The following DENND4A variants were observed in gnomAD, a reference collection of about 807,000 sequenced individuals.
DENND4A encodes the protein DENN domain containing 4A.
Under a neutral mutation model 199.3 loss-of-function variants are expected in DENND4A, and 70 were observed. That is an observed-to-expected ratio of 0.35 (90% CI 0.29 to 0.43). The LOEUF (loss-of-function observed/expected upper bound fraction) is 0.43. Among genes scored for constraint, DENND4A ranks in the 20% least tolerant of loss-of-function variants. The pLI is 1.00. For missense variants in DENND4A, 1,723 were observed against 2,255.8 expected (o/e 0.76, Z 4.78); for synonymous variants, 686 against 766.9 (o/e 0.89, Z 1.74).
rs749522754 is a variant in DENND4A at position 65,700,568 on chromosome 15, C to T, written c.2809G>A (p.Ala937Thr). 8.4e-6 allele frequency: 13 copies of T among 1,539,750 alleles called. No homozygotes were observed. In the South Asian group the frequency reaches 1.6e-4, roughly 19 times the overall value. Residue 937 changes from alanine to threonine, a missense_variant, in exon 20 of 33, where the codon GCT becomes ACT. Ala to Thr is a moderately conservative substitution (Grantham distance 58). Around this residue, in one of 6 missense-constraint regions of DENND4A, gnomAD observed 650 missense variants for 738.1 expected, o/e 0.88. Transcript: ENST00000443035. Reference protein sequence around the residue: ...PFNTGLIKVYATDDRSSTGGQ... With the variant: ...PFNTGLIKVYTTDDRSSTGGQ... The stretch of plus-strand genomic sequence containing the variant: ...CCTGTACTAGATCTATCATCAGTAG[C>T]ATATACTTTGATTAAACCCGTATTA...
At position 65,756,153 on chromosome 15, in the gene DENND4A, G is replaced by C. The variant is rs947435184; in HGVS notation, c.298C>G (p.Leu100Val). The change falls in exon 3 of 33, where the codon CTT becomes GTT. Residue 100 changes from leucine (L) to valine (V), a missense_variant. Physicochemically the swap from Leu to Val is conservative, Grantham distance 32 (BLOSUM62 1). Around this residue, in one of 6 missense-constraint regions of DENND4A, gnomAD observed 725 missense variants for 952.9 expected, o/e 0.76. Transcript: ENST00000443035. Reference sequence around the variant, plus strand: ...AAAAATACTTACCCCAGATCTGTAAGTGGAGGCTTATCTCTTCCTCTTCTA... The same window carrying C: ...AAAAATACTTACCCCAGATCTGTAACTGGAGGCTTATCTCTTCCTCTTCTA... ...CYRRGRDKPP[L>V]TDLGVLYDWK... 3.5e-5 allele frequency: 57 copies of C among 1,607,000 alleles called. No individual in the cohort carries two copies. Among genetic ancestry groups the C allele is most frequent in the Non-Finnish European group, 4.8e-5 (56 of 1,176,668 alleles).
chr15:65,768,973 G>A (rs1386331044), intron 1 of DENND4A, among the ~76,000 whole-genome samples: 4 of 149,526 alleles, frequency 2.7e-5, no homozygotes, highest in Non-Finnish European at 1.5e-5. Context: ...TAGCCTGGGC[G>A]ACAAGAGCAA....
chr15:65,779,913 T>C (rs920598827), intron 1 of DENND4A, among the ~76,000 whole-genome samples: 1 of 152,034 alleles, frequency 6.6e-6, no homozygotes, highest in Non-Finnish European at 1.5e-5. Flanking sequence ...ATTTATTTAT[T>C]TATTTTTGGA....
chr15:65,691,644 T>C (rs1184243437), intron 22 of DENND4A, 133 bp from the exon 23 acceptor site: 8 of 892,260 alleles, frequency 9.0e-6, no homozygotes, highest in Admixed American at 3.1e-5. Context: ...TGACAGATAC[T>C]ATACTAAACA....
intron 20 of DENND4A, 143 bp from the exon 21 acceptor site, chr15:65,697,526 C>A (rs531289681): frequency 2.2e-5 from 13 of 591,274 alleles, no homozygotes; most frequent in Admixed American, 3.4e-5. Flanking sequence ...ATTTTGTTAG[C>A]TACCCTTAAA....
At position 65,660,240 on chromosome 15, in the gene DENND4A, G is replaced by A; in HGVS notation, c.*1611C>T. The A allele has an allele frequency of 6.7e-7, 1 of 1,503,744 alleles. No individual in the cohort carries two copies. The highest frequency in any genetic ancestry group is 8.9e-7 in the Non-Finnish European group (1 of 1,117,964). 93.2% of individuals were successfully genotyped at this position (1,503,744 alleles called of 1,614,324 possible). On this transcript the variant is annotated 3_prime_UTR_variant, in exon 33 of 33. Coordinates refer to ENST00000443035, the MANE Select transcript of DENND4A (RefSeq NM_001320835.1). ...AAGCAAGTTCAGCCCCAAACTAACTGAAGTTTTACATTTTTAAACTCTCTC... is the reference window on the plus strand; with the variant it reads ...AAGCAAGTTCAGCCCCAAACTAACTAAAGTTTTACATTTTTAAACTCTCTC...
rs761563776 is a variant in DENND4A at position 65,676,489 on chromosome 15, A to G, written c.4325T>C (p.Ile1442Thr). ...ETSATSGTKR[I>T]DLSRISLESS... ...TTCCAGGCTTATTCGGCTGAGATCAATTCTCTTAGTCCCTGAAGTAGCACT... is the reference window on the plus strand; with the variant it reads ...TTCCAGGCTTATTCGGCTGAGATCAGTTCTCTTAGTCCCTGAAGTAGCACT... Residue 1442 changes from isoleucine to threonine, a missense_variant, in exon 24 of 33, where the codon ATT (isoleucine) becomes ACT (threonine). Transcript: ENST00000443035. 4.3e-6 allele frequency: 7 copies of G among 1,612,138 alleles called. No individual in the cohort carries two copies. The highest frequency in any genetic ancestry group is 3.3e-5 in the South Asian group (3 of 90,634).
chr15:65,692,829 G>A (rs2077017976), intron 22 of DENND4A, among the ~76,000 whole-genome samples: 1 of 152,122 alleles, frequency 6.6e-6, no homozygotes, highest in Non-Finnish European at 1.5e-5. Context: ...TTAAATAGAT[G>A]TGCAAGGGTT....
intron 25 of DENND4A, among the ~76,000 whole-genome samples, chr15:65,670,584 A>C (rs1212798771): frequency 6.6e-6 from 1 of 152,224 alleles, no homozygotes; most frequent in Non-Finnish European, 1.5e-5. Context: ...GATGAGATAA[A>C]TAAGAAATTG....
At chr15:65,715,954 CCATATA>C (rs1410068665) in intron 13 of DENND4A, among the ~76,000 whole-genome samples, 1 of 151,950 alleles carries the variant, frequency 6.6e-6, no homozygotes, top group African/African-American at 2.4e-5. Context: ...CACACTCTCT[CCATATA>C]AATATATATA....
chr15:65,738,858 G>T lies in DENND4A; in HGVS notation c.649C>A (p.Pro217Thr). Residue 217 changes from proline (P) to threonine (T), a missense_variant, in exon 6 of 33, where the codon CCT becomes ACT. Transcript: ENST00000443035. ...GAGAATGACTCATAATCTTCTTGAG[G>T]ATATCTACAAATTAGGCCTATAAAA... is the stretch of plus-strand genomic sequence containing the variant. The part of the protein sequence containing the change: ...SYKAGLICRY[P>T]QEDYESFSLP... 6.3e-7 allele frequency: 1 copy of T among 1,593,590 alleles called. No individual in the cohort carries two copies. The highest frequency in any genetic ancestry group is 1.2e-5 in the South Asian group (1 of 86,516).
chr15:65,786,306 A>G (rs2077565144), intron 1 of DENND4A, among the ~76,000 whole-genome samples: 1 of 152,240 alleles, frequency 6.6e-6, no homozygotes, highest in Non-Finnish European at 1.5e-5. Context: ...AAAAAATAAA[A>G]TGAAAAAAGC....
At chr15:65,664,861 A>C in intron 30 of DENND4A, 139 bp from the exon 31 acceptor site, 1 of 750,392 alleles carries the variant, frequency 1.3e-6, no homozygotes, top group Non-Finnish European at 2.0e-6. Context: ...TAGGAATCCA[A>C]GAATGAAGAA....
chr15:65,737,912 ATGGT>A lies in DENND4A; in HGVS notation c.831_834del (p.Glu277AspfsTer17). 6.3e-7 allele frequency: 1 copy of A among 1,598,138 alleles called. No individual in the cohort carries two copies. Among genetic ancestry groups the A allele is most frequent in the Non-Finnish European group, 8.5e-7 (1 of 1,171,452 alleles). On this transcript the variant is annotated frameshift_variant, in exon 7 of 33. Coordinates refer to ENST00000443035, the MANE Select transcript of DENND4A (RefSeq NM_001320835.1). LOFTEE classifies it high-confidence loss of function. Reference sequence around the variant, plus strand: ...TTTTCTGTGAGATTCTCCTCAGAGTATGGTTCATAAAACTGAATAGCAGCACCAT... The same window carrying A: ...TTTTCTGTGAGATTCTCCTCAGAGTATCATAAAACTGAATAGCAGCACCAT...
chr15:65,749,143 C>A (rs182428442), intron 4 of DENND4A, among the ~76,000 whole-genome samples: 3 of 150,484 alleles, frequency 2.0e-5, no homozygotes, highest in Non-Finnish European at 4.4e-5. Flanking sequence ...ATTGGTTAAA[C>A]CCTTCTGGAT....
At chr15:65,776,176 C>G (rs2077278782) in intron 1 of DENND4A, among the ~76,000 whole-genome samples, 1 of 152,116 alleles carries the variant, frequency 6.6e-6, no homozygotes, top group South Asian at 2.1e-4. Flanking sequence ...TGTTACACCC[C>G]CATTTCTGTA....
intron 1 of DENND4A, among the ~76,000 whole-genome samples, chr15:65,787,936 G>A (rs2077609223): frequency 6.6e-6 from 1 of 152,184 alleles, no homozygotes; most frequent in African/African-American, 2.4e-5. Context: ...TGACTAAGCA[G>A]AGGAATCCAT....
intron 20 of DENND4A, among the ~76,000 whole-genome samples, chr15:65,698,442 C>A (rs753477756): frequency 1.8e-4 from 28 of 151,984 alleles, no homozygotes; most frequent in Non-Finnish European, 3.4e-4. Context: ...ACAATGTAAT[C>A]TTTTTGTTTG....
At chr15:65,693,329 G>T (rs999931263) in intron 22 of DENND4A, among the ~76,000 whole-genome samples, 2 of 152,088 alleles carry the variant, frequency 1.3e-5, no homozygotes, top group African/African-American at 4.8e-5. Context: ...AGGTGATATG[G>T]GGAGTTACCA....
Sources: allele counts gnomAD v4.1 joint callset (sites outside exome capture counted in the v4.1 genomes callset), GRCh38; gene constraint gnomAD v4.1.1; regional missense constraint gnomAD v4.1.1; transcripts MANE v1.5; gene names NCBI Gene and HGNC (gene_info 2026-07-23, HGNC 2026-07-21).